Variants in RDX observed in about 807,000 individuals in gnomAD.
RDX encodes the protein radixin.
A neutral mutation model predicts 83.7 loss-of-function variants in RDX; 32 were observed. The observed-to-expected ratio is 0.38, with a 90% CI of 0.29 to 0.51. The LOEUF (loss-of-function observed/expected upper bound fraction) is 0.51. Ranked by LOEUF, RDX falls within the 20% of genes least tolerant of loss-of-function variation. The pLI, the probability that RDX is intolerant of heterozygous loss-of-function variation, is 0.87. For missense variants in RDX, 600 were observed against 689.9 expected, an observed-to-expected ratio of 0.87 and a Z score of 1.46; for synonymous variants, 229 against 222.7, an observed-to-expected ratio of 1.03 and a Z score of -0.25.
rs1859239829 is a variant in RDX at position 110,249,410 on chromosome 11, A to G, written c.960-1577T>C. Among the ~76,000 whole-genome samples the G allele has an allele frequency of 2.6e-5, 4 of 152,202 alleles. No individual in the cohort carries two copies. In the South Asian group the frequency reaches 8.3e-4, roughly 32 times the overall value. ...TAAACCTACATTTTAAAATTCCTGC[A>G]GCTCCTAGATACCCATTTGCCCCTA... On this transcript the variant is annotated intron_variant, in intron 9 of 13. Transcript: ENST00000645495.
At chr11:110,197,459 C>T (rs1013532738) in intron 15 of RDX, among the ~76,000 whole-genome samples, 17 of 152,226 alleles carry the variant, frequency 1.1e-4, no homozygotes, top group African/African-American at 3.6e-4. Flanking sequence ...ATCACCAACT[C>T]TGTGGATCCC....
Position 110,231,863 on chromosome 11 carries a change from C to G in RDX, c.*6G>C. 6.2e-7 allele frequency: 1 copy of G among 1,612,140 alleles called. No individual in the cohort carries two copies. The highest frequency in any genetic ancestry group is 8.5e-7 in the Non-Finnish European group (1 of 1,179,914). ...TATGAAGAACATATATGCAAAATAA[C>G]AGCTCTCACATTGCTTCAAACTCAT... On this transcript the variant is annotated 3_prime_UTR_variant, in exon 14 of 14. Transcript: ENST00000645495.
intron 14 of RDX, among the ~76,000 whole-genome samples, chr11:110,204,815 G>A (rs970724026): frequency 2.0e-5 from 3 of 152,000 alleles, no homozygotes; most frequent in African/African-American, 4.8e-5. Flanking sequence ...GTGCCCGGCC[G>A]TACAGCTGTA....
In RDX at chr11:110,264,749, ATTAGT is replaced by A. The variant is rs747277108; in HGVS notation, c.192+25_192+29del. ...TTCATAACTTCAACTTAACATAATTATTAGTTTAATGTTATCGTACATATTTTACC... is the reference window on the plus strand; with the variant it reads ...TTCATAACTTCAACTTAACATAATTATTAATGTTATCGTACATATTTTACC... On this transcript the variant is annotated intron_variant, in intron 4 of 13. Transcript: ENST00000645495. 9.1e-6 allele frequency: 13 copies of A among 1,424,364 alleles called. 1 individual carries two copies. Among genetic ancestry groups the A allele is most frequent in the South Asian group, 4.7e-5 (4 of 84,696 alleles). The allele number at this position is 1,424,364 out of a possible 1,614,324, so 88.2% of individuals were successfully genotyped here. A position where few individuals can be genotyped will look rare whatever the true frequency, so the allele number is the denominator to read the frequency against.
At chr11:110,272,685 AT>A (rs1461750523) in intron 2 of RDX, 66 bp from the exon 3 acceptor site, 4 of 1,038,534 alleles carry the variant, frequency 3.9e-6, no homozygotes, top group Non-Finnish European at 4.4e-6. Context: ...AACTTTTATG[AT>A]TTTCTTTATT....
intron 15 of RDX, among the ~76,000 whole-genome samples, chr11:110,189,997 C>A (rs902862628): frequency 6.6e-6 from 1 of 151,724 alleles, no homozygotes; most frequent in African/African-American, 2.4e-5. Context: ...GCAGGAGAAT[C>A]GCTTGAACCC....
intron 13 of RDX, 138 bp downstream of exon 13, chr11:110,233,099 T>C: frequency 2.0e-6 from 2 of 1,017,802 alleles, no homozygotes; most frequent in Non-Finnish European, 3.0e-6. Flanking sequence ...ATAACATGAC[T>C]ATAGGCCAAA....
chr11:110,202,508 T>C (rs1863449202), intron 14 of RDX, among the ~76,000 whole-genome samples: 1 of 151,954 alleles, frequency 6.6e-6, no homozygotes, highest in Non-Finnish European at 1.5e-5. Flanking sequence ...AGCCTCAACA[T>C]CCCAGGCACA....
In RDX at chr11:110,279,774, G is replaced by A; in HGVS notation, c.-64-18C>T. The A allele has an allele frequency of 2.1e-5, 16 of 756,372 alleles. No individual in the cohort carries two copies. The highest frequency in any genetic ancestry group is 3.1e-5 in the Non-Finnish European group (14 of 449,170). The allele number at this position is 756,372 out of a possible 1,614,324, so 46.9% of individuals were successfully genotyped here. A position where few individuals can be genotyped will look rare whatever the true frequency, so the allele number is the denominator to read the frequency against. On this transcript the variant is annotated intron_variant, in intron 1 of 13. Coordinates refer to ENST00000645495, the MANE Select transcript of RDX (RefSeq NM_002906.4). ...ATCACTTTCTGTTAAAAAAAAAAAAGCATAATCTATTATCTTTTTATATAA... is the reference window on the plus strand; with the variant it reads ...ATCACTTTCTGTTAAAAAAAAAAAAACATAATCTATTATCTTTTTATATAA...
At chr11:110,252,569 A>C (rs1163241068) in intron 9 of RDX, among the ~76,000 whole-genome samples, 1 of 152,174 alleles carries the variant, frequency 6.6e-6, no homozygotes, top group Admixed American at 6.5e-5. Context: ...AAGACGATTT[A>C]AAAAAATTAA....
At chr11:110,290,497 G>C (rs755863294) in intron 1 of RDX, among the ~76,000 whole-genome samples, 8 of 144,128 alleles carry the variant, frequency 5.6e-5, no homozygotes, top group Non-Finnish European at 9.1e-5. Context: ...GGGCAACAGA[G>C]ACAGTCTCAA....
chr11:110,259,928 C>T (rs1565320264), intron 5 of RDX, among the ~76,000 whole-genome samples: 1 of 151,972 alleles, frequency 6.6e-6, no homozygotes, highest in Non-Finnish European at 1.5e-5. Flanking sequence ...CTGACATCCA[C>T]TGCCCCCAGT....
chr11:110,201,757 ATGT>A (rs923799475), intron 14 of RDX, among the ~76,000 whole-genome samples: 2 of 152,082 alleles, frequency 1.3e-5, no homozygotes, highest in Non-Finnish European at 1.5e-5. Flanking sequence ...ATTTTTTAAG[ATGT>A]TGTCTCCCTC....
At chr11:110,257,035 T>C (rs570735606) in intron 7 of RDX, among the ~76,000 whole-genome samples, 17 of 115,506 alleles carry the variant, frequency 1.5e-4, no homozygotes, top group Middle Eastern at 3.9e-3. Flanking sequence ...TCTAAGACAA[T>C]TGAGTTATTA....
intron 1 of RDX, among the ~76,000 whole-genome samples, chr11:110,289,735 G>T (rs184864639): frequency 6.6e-6 from 1 of 150,812 alleles, no homozygotes; most frequent in Admixed American, 6.6e-5. Flanking sequence ...TAGCCAACAC[G>T]GCGAAACTCC....
chr11:110,237,059 C>T (rs1234410339), intron 11 of RDX, among the ~76,000 whole-genome samples: 1 of 147,830 alleles, frequency 6.8e-6, no homozygotes, highest in Non-Finnish European at 1.5e-5. Flanking sequence ...TGCAAGTCCA[C>T]TAAATAAAAA....
chr11:110,254,242 C>T, intron 8 of RDX, 133 bp from the exon 9 acceptor site: 3 of 767,486 alleles, frequency 3.9e-6, no homozygotes, highest in Non-Finnish European at 6.3e-6. Flanking sequence ...AGAAATCATA[C>T]AATTTCATAA....
intron 10 of RDX, among the ~76,000 whole-genome samples, chr11:110,245,074 C>G (rs1343221500): frequency 1.3e-5 from 2 of 151,030 alleles, no homozygotes; most frequent in African/African-American, 4.9e-5. Flanking sequence ...AAGTGATTCT[C>G]CTGCCTCGGC....
chr11:110,233,507 A>T, intron 12 of RDX, 28 bp from the exon 13 acceptor site: 2 of 1,612,438 alleles, frequency 1.2e-6, no homozygotes, highest in Non-Finnish European at 1.7e-6. Context: ...GTTTATGAGC[A>T]ACTTACTTCA....
Sources: allele counts gnomAD v4.1 joint callset (sites outside exome capture counted in the v4.1 genomes callset), GRCh38; gene constraint gnomAD v4.1.1; transcripts MANE v1.5; gene names NCBI Gene and HGNC (gene_info 2026-07-23, HGNC 2026-07-21).